Variants in MCPH1 observed in about 807,000 individuals in gnomAD.
MCPH1 encodes the protein microcephalin 1.
A neutral mutation model predicts 84.5 loss-of-function variants in MCPH1; 104 were observed. The observed-to-expected ratio is 1.23, with a 90% CI of 1.05 to 1.45. The LOEUF (loss-of-function observed/expected upper bound fraction) is 1.45, where lower values mean the gene tolerates loss of function less well. Among genes scored for constraint, MCPH1 ranks in the 40% most tolerant of loss-of-function variants. The probability of loss-of-function intolerance (pLI) is 0.00; values close to 1 mark genes in which losing one functional copy is unlikely to be tolerated. For missense variants in MCPH1, 1,498 were observed against 1,005.7 expected (o/e 1.49, Z -6.62); for synonymous variants, 514 against 366.8 (o/e 1.40, Z -4.58).
rs1034740656 is a variant in MCPH1, at chr8:6,513,979, G to A, written c.2214+14050G>A. ...CCTTCTGGTGCTGTGACAATTTAGGGTCCTTCCCAAAGGAAAATGGATTTT... is the reference window on the plus strand; with the variant it reads ...CCTTCTGGTGCTGTGACAATTTAGGATCCTTCCCAAAGGAAAATGGATTTT... On this transcript the variant is annotated intron_variant, in intron 12 of 13. Coordinates refer to ENST00000344683, the MANE Select transcript of MCPH1 (RefSeq NM_024596.5). 1.5e-5 allele frequency: 13 copies of A among 844,218 alleles called. No homozygotes were observed. The African/African-American group carries it at 2.3e-4, about 15-fold the overall frequency. The allele number at this position is 844,218 out of a possible 1,614,324, so 52.3% of individuals were successfully genotyped here.
At chr8:6,511,981 C>G (rs928127481) in intron 12 of MCPH1, among the ~76,000 whole-genome samples, 1 of 150,916 alleles carries the variant, frequency 6.6e-6, no homozygotes, top group Admixed American at 6.6e-5. Flanking sequence ...AGGTAAAACA[C>G]TGACCAACCA....
At chr8:6,577,247 TC>T (rs1207803780) in intron 12 of MCPH1, among the ~76,000 whole-genome samples, 1 of 152,168 alleles carries the variant, frequency 6.6e-6, no homozygotes, top group African/African-American at 2.4e-5. Flanking sequence ...GCTTCTGTCC[TC>T]CACACTGTGG....
At chr8:6,515,029 C>A (rs1290996739) in intron 12 of MCPH1, among the ~76,000 whole-genome samples, 1 of 152,170 alleles carries the variant, frequency 6.6e-6, no homozygotes, top group African/African-American at 2.4e-5. Context: ...ATATGACTCA[C>A]TTGTCATCAT....
chr8:6,444,643 AG>A lies in MCPH1; in HGVS notation c.923del (p.Gly308ValfsTer3). On this transcript the variant is annotated frameshift_variant, in exon 8 of 14. Coordinates refer to ENST00000344683, the MANE Select transcript of MCPH1 (RefSeq NM_024596.5). LOFTEE classifies it high-confidence loss of function. ...AAATAAACTTGCAAAGAAATATTGC[AG>A]GTAAAGTAGTCACCCCTGACCAAAA... ...EEINLQRNIA[G>X]KVVTPDQKQA... 1 of 1,614,144 alleles carries A rather than the reference AG, an allele frequency of 6.2e-7. No homozygotes were observed. The highest frequency in any genetic ancestry group is 8.5e-7 in the Non-Finnish European group (1 of 1,180,034).
chr8:6,440,221 C>A (rs913151540), intron 6 of MCPH1, among the ~76,000 whole-genome samples: 4 of 151,942 alleles, frequency 2.6e-5, no homozygotes, highest in Admixed American at 6.6e-5. Flanking sequence ...CTTTTTTTAA[C>A]CATATGGTTT....
intron 12 of MCPH1, among the ~76,000 whole-genome samples, chr8:6,517,263 C>T (rs950593454): frequency 2.0e-5 from 3 of 152,152 alleles, no homozygotes; most frequent in Admixed American, 1.3e-4. Context: ...GGTGCAGGAA[C>T]CTGATATCTT....
At chr8:6,591,202 C>T (rs150189309) in intron 12 of MCPH1, among the ~76,000 whole-genome samples, 1 of 152,332 alleles carries the variant, frequency 6.6e-6, no homozygotes, top group Non-Finnish European at 1.5e-5. Context: ...CGGCCAAGGC[C>T]TTGGTCTTCC....
At chr8:6,612,255 A>G (rs952760974) in intron 12 of MCPH1, among the ~76,000 whole-genome samples, 3 of 152,066 alleles carry the variant, frequency 2.0e-5, no homozygotes, top group Non-Finnish European at 4.4e-5. Context: ...ACTCTGCCTA[A>G]TTTGGTGACT....
intron 3 of MCPH1, among the ~76,000 whole-genome samples, chr8:6,427,701 A>C (rs1358325281): frequency 2.6e-5 from 4 of 151,944 alleles, no homozygotes; most frequent in East Asian, 1.9e-4. Context: ...TAAATAATCT[A>C]TCTCTCTGTT....
intron 12 of MCPH1, among the ~76,000 whole-genome samples, chr8:6,581,214 T>C (rs1243505713): frequency 6.6e-6 from 1 of 152,216 alleles, no homozygotes; most frequent in African/African-American, 2.4e-5. Context: ...TCATAACCCA[T>C]TTCTGCCTAG....
intron 12 of MCPH1, chr8:6,514,639 G>T: frequency 1.3e-6 from 2 of 1,568,458 alleles, no homozygotes; most frequent in Non-Finnish European, 1.8e-6. Context: ...TTTTTCACAA[G>T]GGAAATTCTT....
chr8:6,487,031 C>T (rs562398654), intron 11 of MCPH1, among the ~76,000 whole-genome samples: 166 of 152,288 alleles, frequency 1.1e-3, no homozygotes, highest in Non-Finnish European at 2.0e-3. Flanking sequence ...GCTACCACTC[C>T]GTGTCACTCT....
At position 6,646,567 on chromosome 8, in the gene MCPH1, C is replaced by T. The variant is rs1586915895; in HGVS notation, c.*3518C>T. 1 of 152,180 alleles carries T rather than the reference C, an allele frequency of 6.6e-6. No individual in the cohort carries two copies. The highest frequency in any genetic ancestry group is 1.9e-4 in the East Asian group (1 of 5,190). The allele number at this position is 152,180 out of a possible 1,614,324, so 9.4% of individuals were successfully genotyped here. A position where few individuals can be genotyped will look rare whatever the true frequency, so the allele number is the denominator to read the frequency against. On this transcript the variant is annotated 3_prime_UTR_variant, in exon 14 of 14. Transcript: ENST00000344683. ...AAAAAAAAAGTACTTGGATCCTTACCTCACACCATGCACAAAAATTAGCTC... is the reference window on the plus strand; with the variant it reads ...AAAAAAAAAGTACTTGGATCCTTACTTCACACCATGCACAAAAATTAGCTC...
At chr8:6,505,622 T>G (rs1302976641) in intron 12 of MCPH1, among the ~76,000 whole-genome samples, 1 of 129,096 alleles carries the variant, frequency 7.7e-6, no homozygotes, top group Non-Finnish European at 1.6e-5. Flanking sequence ...TTTATATATT[T>G]ATATATGAAT....
intron 8 of MCPH1, among the ~76,000 whole-genome samples, chr8:6,450,744 TTTG>T (rs1035667279): frequency 6.6e-5 from 10 of 151,946 alleles, no homozygotes; most frequent in East Asian, 1.9e-4. Context: ...GTTGGGGTTT[TTTG>T]TTGTTGTTGT....
At chr8:6,523,250 G>T (rs1395588655) in intron 12 of MCPH1, among the ~76,000 whole-genome samples, 1 of 152,086 alleles carries the variant, frequency 6.6e-6, no homozygotes, top group Non-Finnish European at 1.5e-5. Context: ...GCCCGCCCCT[G>T]CCTCCCAAAG....
At chr8:6,434,379 G>T (rs936785881) in intron 4 of MCPH1, among the ~76,000 whole-genome samples, 1 of 152,110 alleles carries the variant, frequency 6.6e-6, no homozygotes, top group Admixed American at 6.6e-5. Context: ...ATGTTGACAG[G>T]CCAGCACAAT....
chr8:6,485,250 G>T lies in MCPH1; in HGVS notation c.2136+4374G>T, dbSNP rs539779452. Reference sequence around the variant, plus strand: ...TGAGGCAGGAGAATCGCTTGAACTTGGAGGGAGGAGGTTGCAGTGAGCCGA... The same window carrying T: ...TGAGGCAGGAGAATCGCTTGAACTTTGAGGGAGGAGGTTGCAGTGAGCCGA... On this transcript the variant is annotated intron_variant, in intron 11 of 13. Transcript: ENST00000344683. 1.2e-4 allele frequency among the ~76,000 whole-genome samples: 18 copies of T among 152,080 alleles called. No homozygotes were observed. In the South Asian group the frequency reaches 3.5e-3, roughly 30 times the overall value.
intron 9 of MCPH1, 136 bp from the exon 10 acceptor site, chr8:6,477,458 T>A: frequency 1.3e-6 from 1 of 748,030 alleles, no homozygotes; most frequent in Non-Finnish European, 2.2e-6. Flanking sequence ...AAAGGTTTTT[T>A]TTCTTTGACA....
Sources: allele counts gnomAD v4.1 joint callset (sites outside exome capture counted in the v4.1 genomes callset), GRCh38; gene constraint gnomAD v4.1.1; transcripts MANE v1.5; gene names NCBI Gene and HGNC (gene_info 2026-07-23, HGNC 2026-07-21).